TMEM117: variants seen among roughly 807,000 people sequenced by gnomAD.
The protein encoded by TMEM117 is transmembrane protein 117.
TMEM117 carries 27 observed loss-of-function variants against 52.4 expected under a neutral mutation model. The ratio of observed to expected loss-of-function variants is 0.51; its 90% CI spans 0.38 to 0.71. The LOEUF is 0.71. Among genes scored for constraint, TMEM117 ranks in the 30% least tolerant of loss-of-function variants. The pLI, the probability that TMEM117 is intolerant of heterozygous loss-of-function variation, is 0.00. For synonymous variants in TMEM117, 215 were observed against 206.3 expected, an observed-to-expected ratio of 1.04 and a Z score of -0.36; for missense variants, 556 against 630.5, an observed-to-expected ratio of 0.88 and a Z score of 1.26.
intron 3 of TMEM117, among the ~76,000 whole-genome samples, chr12:44,088,090 A>C (rs563604108): frequency 6.6e-6 from 1 of 152,178 alleles, no homozygotes; most frequent in Non-Finnish European, 1.5e-5. Context: ...GGAACACTTC[A>C]CTGTAGCTTT....
At chr12:43,811,293 G>C in the TMEM117 span, among the ~76,000 whole-genome samples, 1 of 152,150 alleles carries the variant, frequency 6.6e-6, no homozygotes, top group Admixed American at 6.5e-5. Context: ...CCTGTTTTCT[G>C]TTGGAATGAA....
intron 2 of TMEM117, among the ~76,000 whole-genome samples, chr12:43,846,785 G>A (rs1384812067): frequency 6.6e-6 from 1 of 151,986 alleles, no homozygotes; most frequent in Non-Finnish European, 1.5e-5. Context: ...AGGTATTTTT[G>A]GTCTAGAGTT....
intron 3 of TMEM117, among the ~76,000 whole-genome samples, chr12:44,116,184 T>C (rs1040715162): frequency 6.6e-6 from 1 of 152,238 alleles, no homozygotes; most frequent in Admixed American, 6.5e-5. Context: ...TTTCATTTCT[T>C]GAATTTCTTA....
At chr12:43,834,006 T>A (rs1371379492), upstream of TMEM117, among the ~76,000 whole-genome samples, 1 of 152,012 alleles carries the variant, frequency 6.6e-6, no homozygotes, top group African/African-American at 2.4e-5. Flanking sequence ...GGTGGGAGGA[T>A]CACTTGAGCC....
chr12:44,251,865 A>G (rs1463912764), intron 5 of TMEM117, among the ~76,000 whole-genome samples: 2 of 152,202 alleles, frequency 1.3e-5, no homozygotes, highest in African/African-American at 2.4e-5. Flanking sequence ...ATTGGATCAG[A>G]TCACTCTTAG....
intron 2 of TMEM117, among the ~76,000 whole-genome samples, chr12:43,912,364 A>T (rs7961078): frequency 1.3e-5 from 2 of 150,348 alleles, no homozygotes; most frequent in East Asian, 2.0e-4. Context: ...GGGGAAGGGG[A>T]CAGGGATAGC....
At chr12:44,073,732 T>G (rs1157407612) in intron 3 of TMEM117, 1 of 152,220 alleles carries the variant, frequency 6.6e-6, no homozygotes, top group East Asian at 1.9e-4. Context: ...GAAGATATGG[T>G]GTAGACAAAG....
intron 3 of TMEM117, among the ~76,000 whole-genome samples, chr12:43,946,174 G>A (rs986853807): frequency 2.6e-5 from 4 of 152,160 alleles, no homozygotes; most frequent in Non-Finnish European, 5.9e-5. Context: ...AGCAGTGCCT[G>A]TAATACTAGA....
At chr12:44,000,000 T>C (rs1946090872) in intron 3 of TMEM117, among the ~76,000 whole-genome samples, 1 of 152,224 alleles carries the variant, frequency 6.6e-6, no homozygotes, top group Admixed American at 6.5e-5. Flanking sequence ...AATCCTGAAC[T>C]ATCATCAATT....
chr12:43,876,365 C>T (rs1943794438), intron 2 of TMEM117, among the ~76,000 whole-genome samples: 1 of 152,172 alleles, frequency 6.6e-6, no homozygotes, highest in South Asian at 2.1e-4. Flanking sequence ...TTGGTTTCCT[C>T]TGATATTGTC....
At chr12:44,377,172 G>C (rs527971208) in intron 7 of TMEM117, among the ~76,000 whole-genome samples, 2 of 152,154 alleles carry the variant, frequency 1.3e-5, no homozygotes, top group Admixed American at 6.5e-5. Context: ...TTATCAAAGA[G>C]GGAAGACAAA....
chr12:44,376,821 T>A, intron 7 of TMEM117, 97 bp downstream of exon 7: 2 of 1,291,116 alleles, frequency 1.5e-6, no homozygotes, highest in Non-Finnish European at 2.1e-6. Flanking sequence ...TTGAGAGGCA[T>A]AAATACAATG....
In TMEM117 at chr12:44,381,440, C is replaced by T. The variant is rs1316657624; in HGVS notation, c.898+4716C>T. 2.0e-5 allele frequency among the ~76,000 whole-genome samples: 3 copies of T among 152,144 alleles called. No individual in the cohort carries two copies. In the East Asian group the frequency reaches 5.8e-4, roughly 29 times the overall value. Reference sequence around the variant, plus strand: ...CCTCTCAATTCAGTCTCGGAAGCTCCTCTGAGTCCTATTAATGCCAATCCC... The same window carrying T: ...CCTCTCAATTCAGTCTCGGAAGCTCTTCTGAGTCCTATTAATGCCAATCCC... On this transcript the variant is annotated intron_variant, in intron 7 of 7. Coordinates refer to ENST00000266534, the MANE Select transcript of TMEM117 (RefSeq NM_032256.3).
chr12:44,045,047 A>G (rs1216698405), intron 3 of TMEM117, among the ~76,000 whole-genome samples: 1 of 152,202 alleles, frequency 6.6e-6, no homozygotes, highest in African/African-American at 2.4e-5. Flanking sequence ...AGTACTCACC[A>G]ACAGGTGACC....
intron 2 of TMEM117, among the ~76,000 whole-genome samples, chr12:43,865,625 A>T (rs1341656746): frequency 1.3e-5 from 2 of 151,664 alleles, no homozygotes; most frequent in Non-Finnish European, 2.9e-5. Flanking sequence ...TGAACCTGGG[A>T]GGTGGAGGTT....
At chr12:44,205,064 A>G (rs1478140697) in intron 4 of TMEM117, among the ~76,000 whole-genome samples, 2 of 152,220 alleles carry the variant, frequency 1.3e-5, no homozygotes. Flanking sequence ...GACATAAACT[A>G]AAGAGCTTCT....
At chr12:44,210,114 C>G (rs1949625289) in intron 4 of TMEM117, among the ~76,000 whole-genome samples, 1 of 152,096 alleles carries the variant, frequency 6.6e-6, no homozygotes, top group African/African-American at 2.4e-5. Context: ...TTACTCAATG[C>G]AGTAAACCTC....
intron 3 of TMEM117, among the ~76,000 whole-genome samples, chr12:44,093,540 A>G (rs1465174336): frequency 3.9e-5 from 6 of 152,256 alleles, no homozygotes; most frequent in Non-Finnish European, 5.9e-5. Flanking sequence ...AATGTTTACA[A>G]TGAAAATCAG....
intron 2 of TMEM117, among the ~76,000 whole-genome samples, chr12:43,916,511 T>G (rs1453036064): frequency 6.6e-6 from 1 of 152,214 alleles, no homozygotes; most frequent in Non-Finnish European, 1.5e-5. Context: ...TCTTAATGGT[T>G]GCATGATTTT....
Sources: gnomAD v4.1 joint callset for allele counts (sites outside exome capture counted in the v4.1 genomes callset) on GRCh38, gnomAD v4.1.1 for gene constraint, MANE v1.5 for transcripts, NCBI Gene and HGNC (gene_info 2026-07-23, HGNC 2026-07-21) for gene names.